Variants in TASP1 observed in about 807,000 individuals in gnomAD.
TASP1 encodes taspase 1.
A neutral mutation model predicts 56.6 loss-of-function variants in TASP1; 16 were observed. The ratio of observed to expected loss-of-function variants is 0.28; its 90% CI spans 0.19 to 0.43. TASP1 has a LOEUF of 0.43. TASP1 is among the 20% of genes least tolerant of loss of function. TASP1 has a pLI of 1.00. For missense variants in TASP1, 393 were observed against 511.6 expected (o/e 0.77, Z 2.24); for synonymous variants, 179 against 184.2 (o/e 0.97, Z 0.23).
chr20:13,483,290 G>A lies in TASP1; in HGVS notation c.922C>T (p.His308Tyr). The A allele has an allele frequency of 6.2e-7, 1 of 1,605,324 alleles. No individual in the cohort carries two copies. The highest frequency in any genetic ancestry group is 8.5e-7 in the Non-Finnish European group (1 of 1,175,580). ...TGAGCATCCTCAGCTTGTAAAGCAT[G>A]TGAACATTCTCTAGCCAGTATGGTG... ...VRTILARECS[H>Y]ALQAEDAHQA... Residue 308 changes from histidine to tyrosine, a missense_variant, in exon 11 of 14, where the codon CAT (histidine) becomes TAT (tyrosine). By Grantham distance (83) the His-to-Tyr change is moderately conservative (BLOSUM62 2). Transcript: ENST00000337743.
intron 10 of TASP1, among the ~76,000 whole-genome samples, chr20:13,484,665 G>T (rs528256923): frequency 2.6e-5 from 4 of 151,582 alleles, no homozygotes. Context: ...GAACCTGGTA[G>T]GCGGAGTTTG....
At chr20:13,357,937 G>A in the TASP1 span, among the ~76,000 whole-genome samples, 1 of 152,102 alleles carries the variant, frequency 6.6e-6, no homozygotes, top group African/African-American at 2.4e-5. Context: ...GCACGTATAT[G>A]CCCAGATGGC....
chr20:13,540,327 A>G (rs946871160), intron 8 of TASP1, among the ~76,000 whole-genome samples: 4 of 152,220 alleles, frequency 2.6e-5, no homozygotes, highest in Non-Finnish European at 4.4e-5. Context: ...ATAATTCTAA[A>G]TCAAAATTTA....
At chr20:13,352,141 T>C in the TASP1 span, among the ~76,000 whole-genome samples, 1 of 152,212 alleles carries the variant, frequency 6.6e-6, no homozygotes, top group Non-Finnish European at 1.5e-5. Flanking sequence ...ATTACATGTA[T>C]GCTCATTAAG....
chr20:13,385,001 C>T (rs930634750), downstream of TASP1, among the ~76,000 whole-genome samples: 1 of 152,194 alleles, frequency 6.6e-6, no homozygotes. Context: ...TATGTCAGAA[C>T]AATGCTGATG....
At chr20:13,508,488 C>A (rs1265452196) in intron 10 of TASP1, among the ~76,000 whole-genome samples, 2 of 152,088 alleles carry the variant, frequency 1.3e-5, no homozygotes, top group African/African-American at 4.8e-5. Context: ...GGATGCTCAA[C>A]TGGTATGTAT....
the TASP1 span, among the ~76,000 whole-genome samples, chr20:13,345,404 C>G: frequency 1.3e-5 from 2 of 152,172 alleles, no homozygotes; most frequent in Non-Finnish European, 2.9e-5. Context: ...GCCCCTGGAA[C>G]CAGCTCGCAA....
the TASP1 span, among the ~76,000 whole-genome samples, chr20:13,371,830 G>A: frequency 0.018 from 2,692 of 152,116 alleles, 76 homozygotes; most frequent in African/African-American, 0.059. Flanking sequence ...CTGCTGTTAG[G>A]TGCATATATG....
At chr20:13,142,337 C>A in the TASP1 span, among the ~76,000 whole-genome samples, 1 of 152,102 alleles carries the variant, frequency 6.6e-6, no homozygotes, top group East Asian at 1.9e-4. Context: ...GTGGTTGGAC[C>A]CTGAGATGGG....
At chr20:13,292,427 A>G in the TASP1 span, 6 of 1,606,128 alleles carry the variant, frequency 3.7e-6, no homozygotes, top group South Asian at 5.6e-5. Flanking sequence ...GCTTGCGGGA[A>G]GCGAGGAGTT....
chr20:13,112,859 C>T, the TASP1 span, among the ~76,000 whole-genome samples: 1 of 152,152 alleles, frequency 6.6e-6, no homozygotes, highest in Non-Finnish European at 1.5e-5. Flanking sequence ...AGCCTTTATA[C>T]AGGTGTTCTA....
At chr20:13,445,558 C>T (rs1047737010) in intron 11 of TASP1, among the ~76,000 whole-genome samples, 1 of 152,196 alleles carries the variant, frequency 6.6e-6, no homozygotes, top group Admixed American at 6.5e-5. Flanking sequence ...AGGGAGCAAG[C>T]GGGAATGTCC....
At chr20:13,344,116 T>C in the TASP1 span, among the ~76,000 whole-genome samples, 1 of 152,068 alleles carries the variant, frequency 6.6e-6, no homozygotes. Context: ...TTTTCTAGTA[T>C]TTAATTGACT....
intron 10 of TASP1, among the ~76,000 whole-genome samples, chr20:13,519,857 G>A (rs933399718): frequency 6.6e-6 from 1 of 152,180 alleles, no homozygotes; most frequent in African/African-American, 2.4e-5. Context: ...TGACATGATT[G>A]TATATCTAGA....
intron 10 of TASP1, among the ~76,000 whole-genome samples, chr20:13,485,904 A>C (rs1025747637): frequency 6.6e-6 from 1 of 152,228 alleles, no homozygotes; most frequent in Non-Finnish European, 1.5e-5. Context: ...GCCTGAAGTC[A>C]AAAAGCTAAA....
intron 11 of TASP1, among the ~76,000 whole-genome samples, chr20:13,456,341 C>T (rs12329620): frequency 0.059 from 8,911 of 152,146 alleles, 371 homozygotes; most frequent in African/African-American, 0.12. Flanking sequence ...TCCTCTACCA[C>T]AACAACATCC....
chr20:13,582,322 GTATAACTTATAACTTATAAATT>G (rs1299371775), intron 5 of TASP1, among the ~76,000 whole-genome samples: 3 of 151,400 alleles, frequency 2.0e-5, no homozygotes, highest in African/African-American at 4.8e-5. Flanking sequence ...TGTTATAAAT[GTATAACTTATAACTTATAAATT>G]TATAACTTAT....
At chr20:13,517,443 T>C (rs576023548) in intron 10 of TASP1, among the ~76,000 whole-genome samples, 21 of 152,252 alleles carry the variant, frequency 1.4e-4, no homozygotes, top group African/African-American at 5.1e-4. Context: ...ATGTTCATTA[T>C]AAAATATTAA....
chr20:13,481,953 G>A (rs1457495162), intron 11 of TASP1, among the ~76,000 whole-genome samples: 6 of 152,040 alleles, frequency 3.9e-5, no homozygotes, highest in African/African-American at 1.4e-4. Context: ...TTTTGCTTTG[G>A]TTGCCTGCAC....
Sources: gnomAD v4.1 joint callset for allele counts (sites outside exome capture counted in the v4.1 genomes callset) on GRCh38, gnomAD v4.1.1 for gene constraint, MANE v1.5 for transcripts, NCBI Gene and HGNC (gene_info 2026-07-23, HGNC 2026-07-21) for gene names.